GPC5: variants seen among roughly 807,000 people sequenced by gnomAD.
The protein encoded by GPC5 is glypican 5, also known as glypican-5.
GPC5 carries 47 observed loss-of-function variants against 53.9 expected under a neutral mutation model. That is an observed-to-expected ratio of 0.87 (90% CI 0.69 to 1.11). The LOEUF is 1.11. GPC5 is among the 50% of genes most tolerant of loss of function. The pLI, the probability that GPC5 is intolerant of heterozygous loss-of-function variation, is 0.00. For missense variants in GPC5, 748 were observed against 713.1 expected, an observed-to-expected ratio of 1.05 and a Z score of -0.56; for synonymous variants, 286 against 263.3, an observed-to-expected ratio of 1.09 and a Z score of -0.84.
intron 1 of GPC5, among the ~76,000 whole-genome samples, chr13:91,416,565 C>T (rs556059381): frequency 3.9e-5 from 6 of 152,152 alleles, no homozygotes; most frequent in Non-Finnish European, 5.9e-5. Context: ...CCCATCAACT[C>T]GTCCTTTACA....
intron 6 of GPC5, among the ~76,000 whole-genome samples, chr13:92,074,186 A>T (rs1233588997): frequency 6.6e-6 from 1 of 152,176 alleles, no homozygotes; most frequent in Non-Finnish European, 1.5e-5. Flanking sequence ...GATGGAGGAG[A>T]GAGCAAGAGT....
chr13:91,638,859 G>A (rs1339181469), intron 2 of GPC5, among the ~76,000 whole-genome samples: 6 of 152,042 alleles, frequency 3.9e-5, no homozygotes, highest in Non-Finnish European at 8.8e-5. Context: ...TTAGCTTTTG[G>A]GATGAATTAA....
At chr13:91,956,539 C>A (rs533570334) in intron 6 of GPC5, among the ~76,000 whole-genome samples, 2 of 152,158 alleles carry the variant, frequency 1.3e-5, no homozygotes, top group Non-Finnish European at 2.9e-5. Flanking sequence ...CCTGTGCCCA[C>A]TAAAACTGTA....
chr13:92,263,773 A>G (rs1279480320), intron 7 of GPC5, among the ~76,000 whole-genome samples: 1 of 152,182 alleles, frequency 6.6e-6, no homozygotes, highest in Admixed American at 6.6e-5. Context: ...GTTTTCTTGT[A>G]TTATCGGCCA....
At chr13:91,719,860 C>T (rs2139958641) in intron 3 of GPC5, among the ~76,000 whole-genome samples, 1 of 151,552 alleles carries the variant, frequency 6.6e-6, no homozygotes, top group East Asian at 1.9e-4. Flanking sequence ...TCTCTCTTTA[C>T]TAAATCTCCA....
intron 7 of GPC5, among the ~76,000 whole-genome samples, chr13:92,744,230 TG>T (rs1889183210): frequency 7.2e-6 from 1 of 139,618 alleles, no homozygotes; most frequent in Non-Finnish European, 1.6e-5. Flanking sequence ...CCTTCTGGTT[TG>T]GAAAAAAAAA....
intron 7 of GPC5, among the ~76,000 whole-genome samples, chr13:92,354,544 G>A (rs192443537): frequency 6.6e-6 from 1 of 152,286 alleles, no homozygotes; most frequent in African/African-American, 2.4e-5. Context: ...TATGTAGCTA[G>A]AAGTATTCTA....
chr13:92,341,801 C>T (rs6492604), intron 7 of GPC5, among the ~76,000 whole-genome samples: 74,889 of 151,662 alleles, frequency 0.49, 20,687 homozygotes, highest in African/African-American at 0.76. Flanking sequence ...ATATAAAAAA[C>T]GTAGTATAGT....
rs150059035 is a variant in GPC5, at chr13:92,814,929, C to T, written c.1562-51353C>T. Among the ~76,000 whole-genome samples, 183 of 151,906 alleles carry T rather than the reference C, an allele frequency of 1.2e-3. 6 individuals carry two copies. Among genetic ancestry groups the T allele is most frequent in the African/African-American group, 4.3e-3 (178 of 41,278 alleles). On this transcript the variant is annotated intron_variant, in intron 7 of 7. Coordinates refer to ENST00000377067, the MANE Select transcript of GPC5 (RefSeq NM_004466.6). ...TTATACATGTTTTTAAACCTATTTC[C>T]CATCTTCTCAAATCGCAAACCACAT... is the stretch of plus-strand genomic sequence containing the variant.
intron 6 of GPC5, among the ~76,000 whole-genome samples, chr13:92,009,025 T>C (rs2040636206): frequency 1.3e-5 from 2 of 152,168 alleles, no homozygotes; most frequent in African/African-American, 4.8e-5. Context: ...CTGATTACTT[T>C]GTTGTATATT....
At chr13:92,519,876 T>C (rs1469973050) in intron 7 of GPC5, among the ~76,000 whole-genome samples, 2 of 151,210 alleles carry the variant, frequency 1.3e-5, no homozygotes, top group Admixed American at 6.6e-5. Flanking sequence ...ATTGATAGAC[T>C]GCTAGCAAGA....
At chr13:92,486,700 C>T (rs886900757) in intron 7 of GPC5, among the ~76,000 whole-genome samples, 1 of 152,098 alleles carries the variant, frequency 6.6e-6, no homozygotes, top group Non-Finnish European at 1.5e-5. Flanking sequence ...TAATATGAAT[C>T]GTGCTCTACT....
intron 7 of GPC5, among the ~76,000 whole-genome samples, chr13:92,336,733 CAA>C (rs2043326318): frequency 6.6e-6 from 1 of 152,126 alleles, no homozygotes; most frequent in African/African-American, 2.4e-5. Flanking sequence ...ACCCTTCATT[CAA>C]AGACTGTGTT....
intron 6 of GPC5, among the ~76,000 whole-genome samples, chr13:91,944,776 C>T (rs1435069598): frequency 6.6e-6 from 1 of 152,128 alleles, no homozygotes; most frequent in Non-Finnish European, 1.5e-5. Context: ...CTGTAAACAG[C>T]GTTCCCTGCA....
intron 1 of GPC5, among the ~76,000 whole-genome samples, chr13:91,437,103 C>T (rs1880039488): frequency 6.6e-6 from 1 of 152,074 alleles, no homozygotes; most frequent in Non-Finnish European, 1.5e-5. Flanking sequence ...GATGGGTTTC[C>T]TGAATACAGT....
chr13:91,497,346 G>GA (rs1047303718), intron 2 of GPC5, among the ~76,000 whole-genome samples: 3 of 151,796 alleles, frequency 2.0e-5, no homozygotes, highest in Non-Finnish European at 4.4e-5. Context: ...TACTAAAAAG[G>GA]AAAAAAGTCA....
chr13:91,766,744 C>T (rs1270790304), intron 5 of GPC5, among the ~76,000 whole-genome samples: 1 of 152,108 alleles, frequency 6.6e-6, no homozygotes, highest in East Asian at 1.9e-4. Flanking sequence ...CCTGTAATCT[C>T]AGCTACTTAT....
intron 7 of GPC5, among the ~76,000 whole-genome samples, chr13:92,414,973 G>A (rs560966643): frequency 6.6e-6 from 1 of 152,264 alleles, no homozygotes; most frequent in Admixed American, 6.5e-5. Flanking sequence ...TCAGACCATA[G>A]CAAGGGGTTT....
intron 4 of GPC5, among the ~76,000 whole-genome samples, chr13:91,739,630 G>A (rs2036886888): frequency 6.6e-6 from 1 of 151,228 alleles, no homozygotes; most frequent in South Asian, 2.1e-4. Flanking sequence ...GCCTCCGTTT[G>A]TTGTCACAGT....
Sources: allele counts gnomAD v4.1 joint callset (sites outside exome capture counted in the v4.1 genomes callset), GRCh38; gene constraint gnomAD v4.1.1; transcripts MANE v1.5; gene names NCBI Gene and HGNC (gene_info 2026-07-23, HGNC 2026-07-21).